Variants in STX12 observed in about 807,000 individuals in gnomAD.
STX12 encodes the protein syntaxin-12.
A neutral mutation model predicts 42.2 loss-of-function variants in STX12; 17 were observed. That is an observed-to-expected ratio of 0.40 (90% CI 0.28 to 0.60). The LOEUF (loss-of-function observed/expected upper bound fraction) is 0.60, where lower values mean the gene tolerates loss of function less well. Among genes scored for constraint, STX12 ranks in the 20% least tolerant of loss-of-function variants. STX12 has a pLI of 0.39. For missense variants in STX12, 297 were observed against 330.9 expected (o/e 0.90, Z 0.79); for synonymous variants, 108 against 116.7 (o/e 0.93, Z 0.48).
intron 4 of STX12, among the ~76,000 whole-genome samples, chr1:27,805,801 C>T (rs909966425): frequency 2.6e-5 from 4 of 152,126 alleles, no homozygotes; most frequent in African/African-American, 9.7e-5. Flanking sequence ...AAAATCCAAG[C>T]TAGCAGAAAT....
At position 27,773,265 on chromosome 1, in the gene STX12, G is replaced by A. The variant is rs772373447; in HGVS notation, c.-43G>A. ...CGGGTCCCGGCTGGCGGCTGCTTCC[G>A]GTAGGAGAGCGGTGTAGAGCGAGCA... On this transcript the variant is annotated 5_prime_UTR_variant, in exon 1 of 9. Transcript: ENST00000373943. 13 of 1,375,512 alleles carry A rather than the reference G, an allele frequency of 9.5e-6. No homozygotes were observed. Among genetic ancestry groups the A allele is most frequent in the Non-Finnish European group, 1.3e-5 (13 of 987,028 alleles). The allele number at this position is 1,375,512 out of a possible 1,614,324, so 85.2% of individuals were successfully genotyped here.
intron 1 of STX12, among the ~76,000 whole-genome samples, chr1:27,786,167 C>T (rs2088696775): frequency 6.6e-6 from 1 of 152,138 alleles, no homozygotes; most frequent in African/African-American, 2.4e-5. Flanking sequence ...TTTGCAAGGC[C>T]CTATACAATC....
At chr1:27,807,001 G>A (rs962076180) in intron 4 of STX12, among the ~76,000 whole-genome samples, 1 of 152,046 alleles carries the variant, frequency 6.6e-6, no homozygotes. Context: ...ATTACAATTC[G>A]AGACGAGATT....
intron 1 of STX12, among the ~76,000 whole-genome samples, chr1:27,784,037 G>A (rs1446956134): frequency 1.3e-5 from 2 of 151,874 alleles, no homozygotes; most frequent in Non-Finnish European, 1.5e-5. Context: ...AAAATTAGCC[G>A]GGCATGGTGG....
chr1:27,784,072 C>T (rs915226769), intron 1 of STX12, among the ~76,000 whole-genome samples: 19 of 151,736 alleles, frequency 1.3e-4, no homozygotes, highest in Admixed American at 1.3e-4. Context: ...CTCAGCTACT[C>T]GGGAGGCTGA....
chr1:27,780,619 T>C (rs1557797782), intron 1 of STX12, among the ~76,000 whole-genome samples: 1 of 152,040 alleles, frequency 6.6e-6, no homozygotes, highest in Non-Finnish European at 1.5e-5. Context: ...TTCCCTGCCG[T>C]GTGTAACCCC....
chr1:27,816,362 T>TAC (rs1236825943), intron 6 of STX12, among the ~76,000 whole-genome samples: 1 of 151,502 alleles, frequency 6.6e-6, no homozygotes, highest in Admixed American at 6.6e-5. Context: ...TAATCCCATC[T>TAC]ACTGGGGAGG....
chr1:27,819,699 C>T lies in STX12; in HGVS notation c.699C>T (p.Ala233=). The T allele has an allele frequency of 6.2e-7, 1 of 1,613,944 alleles. No homozygotes were observed. Among genetic ancestry groups the T allele is most frequent in the Non-Finnish European group, 8.5e-7 (1 of 1,179,890 alleles). ...VESSEVHVER[A]TEQLQRAAYY... Reference sequence around the variant, plus strand: ...GCTCAGAGGTGCACGTCGAAAGAGCCACTGAACAGTTACAGCGAGCTGCTT... The same window carrying T: ...GCTCAGAGGTGCACGTCGAAAGAGCTACTGAACAGTTACAGCGAGCTGCTT... Residue 233 remains alanine (A), a synonymous_variant, in exon 8 of 9, where the codon GCC becomes GCT. Transcript: ENST00000373943.
At chr1:27,779,800 T>TA (rs1557797519) in intron 1 of STX12, among the ~76,000 whole-genome samples, 1 of 152,184 alleles carries the variant, frequency 6.6e-6, no homozygotes, top group Non-Finnish European at 1.5e-5. Flanking sequence ...CTTTTTTTTT[T>TA]TAGAGAAAGA....
intron 1 of STX12, chr1:27,774,123 C>T (rs182765360): frequency 4.1e-4 from 63 of 152,306 alleles, no homozygotes; most frequent in African/African-American, 1.5e-3. Flanking sequence ...CTTTTGTTTT[C>T]CTTCCCTACT....
chr1:27,810,188 T>C (rs2088893299), intron 4 of STX12, 58 bp from the exon 5 acceptor site: 2 of 1,542,770 alleles, frequency 1.3e-6, no homozygotes, highest in Non-Finnish European at 1.8e-6. Context: ...AGCCCTTGTT[T>C]TGTGTGTCTG....
chr1:27,804,283 G>A (rs961679114), intron 4 of STX12, among the ~76,000 whole-genome samples: 15 of 151,490 alleles, frequency 9.9e-5, no homozygotes, highest in African/African-American at 2.7e-4. Context: ...AAAATTAGCC[G>A]CGCATGGTGG....
intron 1 of STX12, among the ~76,000 whole-genome samples, chr1:27,774,454 G>T (rs1033016148): frequency 6.6e-6 from 1 of 152,182 alleles, no homozygotes; most frequent in African/African-American, 2.4e-5. Context: ...GGTAGAACTA[G>T]TTAGTCCTGA....
chr1:27,799,753 G>A (rs1017050808), intron 3 of STX12, among the ~76,000 whole-genome samples: 6 of 149,792 alleles, frequency 4.0e-5, no homozygotes, highest in African/African-American at 7.4e-5. Context: ...ATAGCTTGGC[G>A]TTTTGTTTTG....
intron 7 of STX12, among the ~76,000 whole-genome samples, chr1:27,819,270 T>TAAAA (rs1193228798): frequency 1.8e-5 from 2 of 114,276 alleles, no homozygotes; most frequent in African/African-American, 6.7e-5. Flanking sequence ...TCCCGTCTCT[T>TAAAA]AAAAAAAAAA....
At chr1:27,774,347 T>A (rs1399717435) in intron 1 of STX12, among the ~76,000 whole-genome samples, 2 of 152,250 alleles carry the variant, frequency 1.3e-5, no homozygotes, top group Non-Finnish European at 2.9e-5. Flanking sequence ...TGGAGCCTTA[T>A]AAACAGGAGA....
At chr1:27,802,732 C>T (rs551914587) in intron 4 of STX12, among the ~76,000 whole-genome samples, 1 of 152,108 alleles carries the variant, frequency 6.6e-6, no homozygotes, top group Non-Finnish European at 1.5e-5. Flanking sequence ...CAGTAAGTAC[C>T]AGTCACTAAA....
chr1:27,814,547 TC>T (rs148419926), intron 6 of STX12, among the ~76,000 whole-genome samples: 13,542 of 151,434 alleles, frequency 0.089, 2,012 homozygotes, highest in African/African-American at 0.31. Flanking sequence ...TAATAATCCT[TC>T]CTTCAAAGAA....
chr1:27,800,699 T>G (rs762928558), intron 3 of STX12, among the ~76,000 whole-genome samples: 1 of 151,932 alleles, frequency 6.6e-6, no homozygotes, highest in Non-Finnish European at 1.5e-5. Context: ...TTTTATTTTT[T>G]GTAGAGATAG....
Sources: gnomAD v4.1 joint callset for allele counts (sites outside exome capture counted in the v4.1 genomes callset) on GRCh38, gnomAD v4.1.1 for gene constraint, MANE v1.5 for transcripts, NCBI Gene and HGNC (gene_info 2026-07-23, HGNC 2026-07-21) for gene names.